KITLG: variants seen among roughly 807,000 people sequenced by gnomAD.
KITLG encodes the protein c-Kit ligand.
A neutral mutation model predicts 34.1 loss-of-function variants in KITLG; 13 were observed. The ratio of observed to expected loss-of-function variants is 0.38; its 90% CI spans 0.25 to 0.61. The LOEUF (loss-of-function observed/expected upper bound fraction) is 0.61. KITLG is among the 20% of genes least tolerant of loss of function. The pLI, the probability that KITLG is intolerant of heterozygous loss-of-function variation, is 0.60. For missense variants in KITLG, 292 were observed against 318.9 expected, an observed-to-expected ratio of 0.92 and a Z score of 0.64; for synonymous variants, 110 against 104.0, an observed-to-expected ratio of 1.06 and a Z score of -0.35.
At chr12:88,533,592 T>C (rs180741433) in intron 2 of KITLG, among the ~76,000 whole-genome samples, 191 of 152,250 alleles carry the variant, frequency 1.3e-3, no homozygotes, top group African/African-American at 4.4e-3. Context: ...ACTTAGACCA[T>C]TGGGTATTAA....
intron 6 of KITLG, among the ~76,000 whole-genome samples, chr12:88,509,382 T>C (rs181855749): frequency 7.4e-4 from 113 of 152,248 alleles, no homozygotes; most frequent in African/African-American, 2.7e-3. Context: ...ATTCTGGAAT[T>C]TGCTACCTAA....
At chr12:88,505,023 G>A in intron 9 of KITLG, 136 bp downstream of exon 9, 1 of 519,338 alleles carries the variant, frequency 1.9e-6, no homozygotes, top group Admixed American at 3.2e-5. Context: ...TAATGTAAAT[G>A]ACGAGTTAAT....
chr12:88,563,385 C>T (rs936121941), intron 1 of KITLG, among the ~76,000 whole-genome samples: 2 of 152,198 alleles, frequency 1.3e-5, no homozygotes, highest in South Asian at 4.1e-4. Context: ...ACAAAACCAG[C>T]TACCTTTTCT....
Position 88,529,183 on chromosome 12 carries a change from T to A in KITLG, c.192+3258A>T, listed in dbSNP as rs2120872021. 2.0e-5 allele frequency among the ~76,000 whole-genome samples: 3 copies of A among 152,320 alleles called. No homozygotes were observed. In the South Asian group the frequency reaches 6.2e-4, roughly 32 times the overall value. ...AAATTTTTTTAAAAATGAAGATTTT[T>A]AAACTCAAATATTACAAGCAACCCA... On this transcript the variant is annotated intron_variant, in intron 3 of 9. Transcript: ENST00000644744.
At chr12:88,503,703 T>A (rs1287915238) in intron 9 of KITLG, among the ~76,000 whole-genome samples, 1 of 152,088 alleles carries the variant, frequency 6.6e-6, no homozygotes, top group Non-Finnish European at 1.5e-5. Context: ...TCTAGCCACA[T>A]CTTACTCTCC....
At chr12:88,563,543 C>T (rs559914047) in intron 1 of KITLG, among the ~76,000 whole-genome samples, 1 of 152,310 alleles carries the variant, frequency 6.6e-6, no homozygotes, top group South Asian at 2.1e-4. Flanking sequence ...CATTTTCATG[C>T]TAATAATCAT....
chr12:88,505,547 A>T (rs960388439), intron 8 of KITLG, among the ~76,000 whole-genome samples: 1 of 152,190 alleles, frequency 6.6e-6, no homozygotes, highest in Admixed American at 6.5e-5. Flanking sequence ...CAACACACCA[A>T]ATGAAAATTA....
At position 88,508,632 on chromosome 12, in the gene KITLG, C is replaced by T. The variant is rs74834945; in HGVS notation, c.605-1495G>A. On this transcript the variant is annotated intron_variant, in intron 6 of 9. Transcript: ENST00000644744. ...TGAACAATAAGGTGCTGGTGATCCC[C>T]ACGTAGGGAGTTGTCAGAAATAGGG... Among the ~76,000 whole-genome samples, 1,049 of 151,736 alleles carry T rather than the reference C, an allele frequency of 6.9e-3. 11 individuals carry two copies. Among genetic ancestry groups the T allele is most frequent in the African/African-American group, 0.024 (1,005 of 41,350 alleles).
chr12:88,530,601 A>G (rs1870049198), intron 3 of KITLG, among the ~76,000 whole-genome samples: 1 of 152,128 alleles, frequency 6.6e-6, no homozygotes, highest in Non-Finnish European at 1.5e-5. Context: ...GCTCCTGGTT[A>G]GTTTTTCCTA....
At chr12:88,567,921 A>G (rs1871500421) in intron 1 of KITLG, among the ~76,000 whole-genome samples, 1 of 152,196 alleles carries the variant, frequency 6.6e-6, no homozygotes, top group African/African-American at 2.4e-5. Flanking sequence ...TGAGTCTCCA[A>G]AGCTATTCAT....
intron 1 of KITLG, among the ~76,000 whole-genome samples, chr12:88,571,028 G>A (rs1014353346): frequency 1.3e-5 from 2 of 152,122 alleles, no homozygotes; most frequent in Non-Finnish European, 2.9e-5. Flanking sequence ...ATTTGCTAAG[G>A]GTGTTTATGA....
intron 3 of KITLG, among the ~76,000 whole-genome samples, chr12:88,528,826 T>G (rs916436132): frequency 6.6e-6 from 1 of 152,176 alleles, no homozygotes; most frequent in Admixed American, 6.5e-5. Flanking sequence ...TCTTTAAATA[T>G]TCTTGCAACG....
chr12:88,509,544 C>T (rs947653705), intron 6 of KITLG, among the ~76,000 whole-genome samples: 1 of 152,122 alleles, frequency 6.6e-6, no homozygotes. Flanking sequence ...AGCCAATACA[C>T]AATCCTGGAG....
chr12:88,557,958 C>T (rs1482825638), intron 1 of KITLG, among the ~76,000 whole-genome samples: 1 of 152,132 alleles, frequency 6.6e-6, no homozygotes, highest in Non-Finnish European at 1.5e-5. Flanking sequence ...ATAATTTATA[C>T]TCTTTCAAAT....
chr12:88,498,928 T>C (rs1025238641), intron 9 of KITLG, among the ~76,000 whole-genome samples: 3 of 152,006 alleles, frequency 2.0e-5, no homozygotes, highest in African/African-American at 7.2e-5. Context: ...GTAGAGAAGA[T>C]TGGAAATCTA....
intron 2 of KITLG, among the ~76,000 whole-genome samples, chr12:88,536,365 T>C (rs1464826433): frequency 6.6e-6 from 1 of 151,990 alleles, no homozygotes. Flanking sequence ...TCATAGGGGT[T>C]AGAATGGCTG....
chr12:88,514,132 A>G (rs1869375940), intron 6 of KITLG, among the ~76,000 whole-genome samples: 1 of 151,690 alleles, frequency 6.6e-6, no homozygotes, highest in African/African-American at 2.4e-5. Context: ...TATTTAGAAA[A>G]ATAATAAAAT....
chr12:88,563,498 A>C (rs1259797776), intron 1 of KITLG, among the ~76,000 whole-genome samples: 1 of 152,188 alleles, frequency 6.6e-6, no homozygotes, highest in Non-Finnish European at 1.5e-5. Context: ...ATTCAATGAC[A>C]CTTCATCCCT....
chr12:88,527,698 C>T (rs1869929492), intron 3 of KITLG, among the ~76,000 whole-genome samples: 1 of 152,172 alleles, frequency 6.6e-6, no homozygotes, highest in Non-Finnish European at 1.5e-5. Context: ...AACAGTTGAA[C>T]ATCTTAACCA....
Sources: allele counts gnomAD v4.1 joint callset (sites outside exome capture counted in the v4.1 genomes callset), GRCh38; gene constraint gnomAD v4.1.1; transcripts MANE v1.5; gene names NCBI Gene and HGNC (gene_info 2026-07-23, HGNC 2026-07-21).